WWOX: variants seen among roughly 807,000 people sequenced by gnomAD.
WWOX encodes WW domain-containing oxidoreductase.
WWOX carries 69 observed loss-of-function variants against 46.2 expected under a neutral mutation model. The ratio of observed to expected loss-of-function variants is 1.49; its 90% confidence interval spans 1.23 to 1.82. The LOEUF is 1.82. Ranked by LOEUF, WWOX falls within the 40% of genes most tolerant of loss-of-function variation. The pLI, the probability that WWOX is intolerant of heterozygous loss-of-function variation, is 0.00. For missense variants in WWOX, 919 were observed against 542.6 expected, an observed-to-expected ratio of 1.69 and a Z score of -6.89; for synonymous variants, 359 against 202.6, an observed-to-expected ratio of 1.77 and a Z score of -6.56.
chr16:78,968,179 G>GTGGCACAGCACGTGGTCCGCA (rs1567446148), intron 8 of WWOX, among the ~76,000 whole-genome samples: 10 of 149,964 alleles, frequency 6.7e-5, no homozygotes, highest in African/African-American at 2.5e-4. Flanking sequence ...CGTGGTCTGC[G>GTGGCACAGCACGTGGTCCGCA]TGGCACAGTG....
chr16:79,006,271 G>C (rs2047188948), intron 8 of WWOX, among the ~76,000 whole-genome samples: 1 of 152,152 alleles, frequency 6.6e-6, no homozygotes. Context: ...CCTGTCCTGG[G>C]AATGGAGGAG....
At chr16:78,383,257 G>A (rs760514630) in intron 5 of WWOX, among the ~76,000 whole-genome samples, 1 of 152,062 alleles carries the variant, frequency 6.6e-6, no homozygotes, top group Non-Finnish European at 1.5e-5. Context: ...ATTGTGTTGT[G>A]TTGATGTTGA....
chr16:78,577,540 G>C (rs890274906), intron 8 of WWOX, among the ~76,000 whole-genome samples: 3 of 152,180 alleles, frequency 2.0e-5, no homozygotes, highest in Non-Finnish European at 4.4e-5. Context: ...AAGCCAGCTA[G>C]AGTTCAAGTC....
chr16:78,222,640 G>A (rs1011189656), intron 5 of WWOX, among the ~76,000 whole-genome samples: 6 of 152,158 alleles, frequency 3.9e-5, no homozygotes, highest in African/African-American at 9.7e-5. Context: ...GTACTTCTTC[G>A]TATTTATAGC....
chr16:79,024,519 C>T (rs763531266), intron 8 of WWOX, among the ~76,000 whole-genome samples: 12 of 152,030 alleles, frequency 7.9e-5, no homozygotes, highest in Non-Finnish European at 1.8e-4. Flanking sequence ...CTGCAAGCTC[C>T]GCCTCCCAGG....
intron 8 of WWOX, among the ~76,000 whole-genome samples, chr16:78,612,595 C>T (rs1398583078): frequency 6.6e-6 from 1 of 152,192 alleles, no homozygotes; most frequent in Non-Finnish European, 1.5e-5. Flanking sequence ...CCCACATCAG[C>T]CTGCCAAGTA....
At chr16:79,180,339 T>C (rs945954472) in intron 8 of WWOX, among the ~76,000 whole-genome samples, 1 of 152,268 alleles carries the variant, frequency 6.6e-6, no homozygotes, top group Non-Finnish European at 1.5e-5. Flanking sequence ...AGTTGTGTAC[T>C]GAATGGATCA....
In WWOX at chr16:78,432,714, C is replaced by T. The variant is rs976415963; in HGVS notation, c.1018C>T (p.Leu340=). The change falls in exon 8 of 9, where the codon CTG becomes TTG. Residue 340 remains leucine, a synonymous_variant. Coordinates refer to ENST00000566780, the MANE Select transcript of WWOX (RefSeq NM_016373.4). ...NIHRSWWVYT[L]LFTLARPFTK... ...TCATCGCAGCTGGTGGGTGTACACA[C>T]TGCTGTTTACCTTGGCGAGGCCTTT... 1.9e-6 allele frequency: 3 copies of T among 1,614,102 alleles called. No individual in the cohort carries two copies. The highest frequency in any genetic ancestry group is 2.2e-5 in the East Asian group (1 of 44,894).
At chr16:78,563,316 A>G (rs565183580) in intron 8 of WWOX, among the ~76,000 whole-genome samples, 3 of 151,992 alleles carry the variant, frequency 2.0e-5, no homozygotes, top group African/African-American at 7.2e-5. Flanking sequence ...TATTTTATTT[A>G]TTTATTTCTT....
At chr16:78,532,866 G>T (rs1241179276) in intron 8 of WWOX, among the ~76,000 whole-genome samples, 3 of 152,138 alleles carry the variant, frequency 2.0e-5, no homozygotes, top group Non-Finnish European at 4.4e-5. Context: ...GAAGAGATTT[G>T]GGTGGGTACA....
At chr16:79,131,548 C>A (rs1477092988) in intron 8 of WWOX, among the ~76,000 whole-genome samples, 2 of 152,164 alleles carry the variant, frequency 1.3e-5, no homozygotes, top group African/African-American at 2.4e-5. Context: ...CGGGGACACC[C>A]AGGAGCCAGT....
At chr16:78,824,168 A>C (rs920083091) in intron 8 of WWOX, among the ~76,000 whole-genome samples, 1 of 152,238 alleles carries the variant, frequency 6.6e-6, no homozygotes, top group African/African-American at 2.4e-5. Context: ...ATCTTTAGAA[A>C]TATATGAAGG....
At chr16:78,864,812 G>C (rs1190776374) in intron 8 of WWOX, among the ~76,000 whole-genome samples, 1 of 140,376 alleles carries the variant, frequency 7.1e-6, no homozygotes, top group African/African-American at 2.7e-5. Context: ...GCCCAGGCTG[G>C]AGTGCAGTGG....
rs544963419 is a variant in WWOX at position 79,121,606 on chromosome 16, T to C, written c.1057-90002T>C. Among the ~76,000 whole-genome samples the C allele has an allele frequency of 2.6e-5, 4 of 152,236 alleles. No homozygotes were observed. In the South Asian group the frequency reaches 6.2e-4, roughly 24 times the overall value. ...GACCGTGCTGGTGAGAGGTGGAGTT[T>C]GCAGTAGGATTTCAAAGACTCCATG... On this transcript the variant is annotated intron_variant, in intron 8 of 8. Transcript: ENST00000566780.
chr16:79,124,257 A>G (rs1382815719), intron 8 of WWOX, among the ~76,000 whole-genome samples: 1 of 152,192 alleles, frequency 6.6e-6, no homozygotes, highest in Non-Finnish European at 1.5e-5. Flanking sequence ...CAAACGGTGC[A>G]GAGCGCTCGG....
At chr16:78,989,953 C>T (rs1209048737) in intron 8 of WWOX, among the ~76,000 whole-genome samples, 5 of 151,352 alleles carry the variant, frequency 3.3e-5, no homozygotes, top group African/African-American at 7.3e-5. Flanking sequence ...GAGGCCGGGG[C>T]GAGCAAATTG....
intron 8 of WWOX, among the ~76,000 whole-genome samples, chr16:78,886,706 CAT>C (rs1452902678): frequency 6.7e-5 from 10 of 148,816 alleles, no homozygotes; most frequent in East Asian, 4.0e-4. Context: ...AAAAGAAAAA[CAT>C]ATAGAGAAAG....
At position 79,045,774 on chromosome 16, in the gene WWOX, CT is replaced by C. The variant is rs2048052974; in HGVS notation, c.1057-165830del. 1.7e-4 allele frequency among the ~76,000 whole-genome samples: 7 copies of C among 41,318 alleles called. 1 individual carries two copies. The highest frequency in any genetic ancestry group is 5.8e-4 in the Admixed American group (2 of 3,434). The allele number at this position is 41,318 out of a possible 152,430, so 27.1% of individuals were successfully genotyped here. On this transcript the variant is annotated intron_variant, in intron 8 of 8. Coordinates refer to ENST00000566780, the MANE Select transcript of WWOX (RefSeq NM_016373.4). ...CTCTGGAGCTCGTCTTTCCTTTTTTCTTTTCCTTTTTTTTTTTTTTTTTTTT... is the reference window on the plus strand; with the variant it reads ...CTCTGGAGCTCGTCTTTCCTTTTTTCTTTCCTTTTTTTTTTTTTTTTTTTT...
At chr16:78,440,771 A>G (rs1355770974) in intron 8 of WWOX, among the ~76,000 whole-genome samples, 1 of 151,968 alleles carries the variant, frequency 6.6e-6, no homozygotes, top group African/African-American at 2.4e-5. Context: ...AGCACTGGCC[A>G]CCAAACCCAG....
Sources: allele counts gnomAD v4.1 joint callset (sites outside exome capture counted in the v4.1 genomes callset), GRCh38; gene constraint gnomAD v4.1.1; transcripts MANE v1.5; gene names NCBI Gene and HGNC (gene_info 2026-07-23, HGNC 2026-07-21).